TMEM178B: variants seen among roughly 807,000 people sequenced by gnomAD.
The protein encoded by TMEM178B is transmembrane protein 178B.
A neutral mutation model predicts 31.0 loss-of-function variants in TMEM178B; 5 were observed. The ratio of observed to expected loss-of-function variants is 0.16; its 90% CI spans 0.08 to 0.34. The LOEUF is 0.34. Among genes scored for constraint, TMEM178B ranks in the 10% least tolerant of loss-of-function variants. The probability of loss-of-function intolerance (pLI) is 1.00; values close to 1 mark genes in which losing one functional copy is unlikely to be tolerated. For synonymous variants in TMEM178B, 164 were observed against 164.0 expected (o/e 1.00, Z 0.00); for missense variants, 275 against 400.3 (o/e 0.69, Z 2.67).
chr7:141,488,212 A>G, the TMEM178B span, among the ~76,000 whole-genome samples: 1 of 152,218 alleles, frequency 6.6e-6, no homozygotes, highest in South Asian at 2.1e-4. Context: ...GGTCATAAAA[A>G]CAAAATGGCC....
intron 2 of TMEM178B, among the ~76,000 whole-genome samples, chr7:141,410,007 A>G (rs886527572): frequency 2.0e-5 from 3 of 152,156 alleles, no homozygotes; most frequent in Non-Finnish European, 2.9e-5. Context: ...CCCTGGGCTC[A>G]GCAGCCGCCA....
intron 1 of TMEM178B, among the ~76,000 whole-genome samples, chr7:141,211,661 A>T (rs1231827195): frequency 6.6e-6 from 1 of 152,130 alleles, no homozygotes; most frequent in Non-Finnish European, 1.5e-5. Flanking sequence ...ACCAAAAGTA[A>T]TGGGGGAAGA....
intron 2 of TMEM178B, among the ~76,000 whole-genome samples, chr7:141,357,246 T>G (rs1263008305): frequency 6.6e-6 from 1 of 152,216 alleles, no homozygotes; most frequent in African/African-American, 2.4e-5. Flanking sequence ...CCCTTTTGAA[T>G]CTTTTCATAT....
intron 2 of TMEM178B, among the ~76,000 whole-genome samples, chr7:141,411,556 T>C (rs1327627816): frequency 6.6e-6 from 1 of 152,216 alleles, no homozygotes; most frequent in Admixed American, 6.5e-5. Flanking sequence ...CTTTATTGAC[T>C]CAAAGTCATT....
chr7:141,361,703 C>T (rs1251240820), intron 2 of TMEM178B, among the ~76,000 whole-genome samples: 2 of 152,224 alleles, frequency 1.3e-5, no homozygotes, highest in Non-Finnish European at 2.9e-5. Context: ...ATCACCCTCT[C>T]TTGATTGTCT....
chr7:141,323,617 G>A (rs914604942), intron 2 of TMEM178B, among the ~76,000 whole-genome samples: 1 of 152,062 alleles, frequency 6.6e-6, no homozygotes, highest in African/African-American at 2.4e-5. Context: ...TTAACAGTTG[G>A]AGTGCCAAGT....
At chr7:141,389,287 A>G (rs1388512051) in intron 2 of TMEM178B, among the ~76,000 whole-genome samples, 1 of 152,196 alleles carries the variant, frequency 6.6e-6, no homozygotes, top group Non-Finnish European at 1.5e-5. Flanking sequence ...GTAGAAGGGA[A>G]AGGGTATCTG....
chr7:141,253,317 C>G (rs1797865665), intron 2 of TMEM178B, among the ~76,000 whole-genome samples: 1 of 152,146 alleles, frequency 6.6e-6, no homozygotes, highest in African/African-American at 2.4e-5. Flanking sequence ...AGCATGCCCA[C>G]TGTGTTGGGT....
rs1477474110 is a variant in TMEM178B at position 141,476,286 on chromosome 7, G to A, written c.*5500G>A. ...CCTTATTTTTCTTTACCTATTCCTAGACTTCCTTTTGTCTAGAGCCAGTTT... is the reference window on the plus strand; with the variant it reads ...CCTTATTTTTCTTTACCTATTCCTAAACTTCCTTTTGTCTAGAGCCAGTTT... On this transcript the variant is annotated 3_prime_UTR_variant, in exon 4 of 4. Transcript: ENST00000565468. 6.6e-6 allele frequency: 1 copy of A among 152,110 alleles called. No individual in the cohort carries two copies. Among genetic ancestry groups the A allele is most frequent in the Admixed American group, 6.5e-5 (1 of 15,280 alleles). 9.4% of individuals were successfully genotyped at this position (152,110 alleles called of 1,614,324 possible).
intron 2 of TMEM178B, among the ~76,000 whole-genome samples, chr7:141,395,513 G>T (rs950179680): frequency 3.9e-5 from 6 of 152,128 alleles, no homozygotes; most frequent in African/African-American, 1.4e-4. Context: ...TCCTTGTTTT[G>T]GATCTCCTCA....
intron 2 of TMEM178B, chr7:141,431,247 G>A (rs1172659479): frequency 2.0e-5 from 3 of 151,104 alleles, no homozygotes; most frequent in Admixed American, 2.0e-4. Context: ...CAAATAGAAA[G>A]ACATTCAGCC....
At chr7:141,167,666 G>A (rs772957395) in intron 1 of TMEM178B, among the ~76,000 whole-genome samples, 11 of 152,178 alleles carry the variant, frequency 7.2e-5, no homozygotes, top group Non-Finnish European at 1.2e-4. Context: ...CAAATGCTCA[G>A]GCCTGTGCTG....
At chr7:141,467,120 C>CA (rs1388056792) in intron 3 of TMEM178B, among the ~76,000 whole-genome samples, 1 of 152,120 alleles carries the variant, frequency 6.6e-6, no homozygotes, top group East Asian at 1.9e-4. Context: ...GGCTGACCAA[C>CA]AGAAGTCATC....
intron 2 of TMEM178B, among the ~76,000 whole-genome samples, chr7:141,405,350 A>G (rs944396885): frequency 1.3e-4 from 20 of 152,374 alleles, no homozygotes; most frequent in African/African-American, 4.6e-4. Context: ...TCCTTGGGCC[A>G]GAGGAGGGGA....
chr7:141,341,593 G>GT, intron 2 of TMEM178B, among the ~76,000 whole-genome samples: 1 of 152,228 alleles, frequency 6.6e-6, no homozygotes, highest in East Asian at 1.9e-4. Context: ...TCTTCTGACT[G>GT]TTTTTCGTCT....
intron 1 of TMEM178B, among the ~76,000 whole-genome samples, chr7:141,123,935 T>C (rs898476143): frequency 6.6e-6 from 1 of 152,174 alleles, no homozygotes; most frequent in Non-Finnish European, 1.5e-5. Context: ...TTGTATTCTT[T>C]GTGGAGACAA....
chr7:141,485,935 C>T, the TMEM178B span, among the ~76,000 whole-genome samples: 1 of 152,208 alleles, frequency 6.6e-6, no homozygotes, highest in Admixed American at 6.5e-5. Context: ...ATAAAGAACC[C>T]TGCTTTAGCT....
chr7:141,299,148 G>T (rs1359990229), intron 2 of TMEM178B, among the ~76,000 whole-genome samples: 2 of 152,100 alleles, frequency 1.3e-5, no homozygotes, highest in Non-Finnish European at 2.9e-5. Flanking sequence ...TTTATCCTCT[G>T]CCTCTTTCTT....
intron 2 of TMEM178B, among the ~76,000 whole-genome samples, chr7:141,331,776 T>C (rs938447161): frequency 6.6e-6 from 1 of 152,208 alleles, no homozygotes; most frequent in Non-Finnish European, 1.5e-5. Flanking sequence ...GGCAAGTGTC[T>C]ATCTGCTGAA....
Sources: gnomAD v4.1 joint callset for allele counts (sites outside exome capture counted in the v4.1 genomes callset) on GRCh38, gnomAD v4.1.1 for gene constraint, MANE v1.5 for transcripts, NCBI Gene and HGNC (gene_info 2026-07-23, HGNC 2026-07-21) for gene names.